The following TAFA5 variants were observed in gnomAD, a reference collection of about 807,000 sequenced individuals.
TAFA5 encodes the protein chemokine-like protein TAFA-5.
In TAFA5, 6 loss-of-function variants were observed where a neutral mutation model predicts 15.3. The observed-to-expected ratio is 0.39, with a 90% CI of 0.21 to 0.77. TAFA5 has a LOEUF of 0.77. Among genes scored for constraint, TAFA5 ranks in the 30% least tolerant of loss-of-function variants. The pLI, the probability that TAFA5 is intolerant of heterozygous loss-of-function variation, is 0.41. For synonymous variants in TAFA5, 103 were observed against 80.7 expected, an observed-to-expected ratio of 1.28 and a Z score of -1.48; for missense variants, 161 against 193.1, an observed-to-expected ratio of 0.83 and a Z score of 0.98.
At chr22:48,551,482 A>G (rs1056341321) in intron 1 of TAFA5, among the ~76,000 whole-genome samples, 1 of 152,328 alleles carries the variant, frequency 6.6e-6, no homozygotes, top group South Asian at 2.1e-4. Flanking sequence ...GGATGGGACC[A>G]GGTGATGGCG....
intron 1 of TAFA5, among the ~76,000 whole-genome samples, chr22:48,584,155 A>T (rs1257791328): frequency 6.8e-6 from 1 of 147,368 alleles, no homozygotes; most frequent in Admixed American, 6.7e-5. Flanking sequence ...ACAAAACATC[A>T]CATACATCAT....
intron 1 of TAFA5, among the ~76,000 whole-genome samples, chr22:48,614,786 C>T (rs898990313): frequency 2.0e-5 from 3 of 152,198 alleles, no homozygotes; most frequent in Non-Finnish European, 2.9e-5. Flanking sequence ...CCTTCTGTGC[C>T]GCACACGTCC....
chr22:48,649,402 A>T (rs959081906), intron 2 of TAFA5, among the ~76,000 whole-genome samples: 3 of 152,136 alleles, frequency 2.0e-5, no homozygotes, highest in Non-Finnish European at 4.4e-5. Flanking sequence ...AGCTTGCTGG[A>T]GTGGGCTGGA....
chr22:48,644,508 T>G (rs1401622148), intron 1 of TAFA5, among the ~76,000 whole-genome samples: 2 of 152,150 alleles, frequency 1.3e-5, no homozygotes, highest in African/African-American at 4.8e-5. Flanking sequence ...TGCCTCCTGG[T>G]CACAATCAGA....
intron 2 of TAFA5, among the ~76,000 whole-genome samples, chr22:48,662,362 C>T (rs1485521662): frequency 6.6e-6 from 1 of 152,136 alleles, no homozygotes; most frequent in Non-Finnish European, 1.5e-5. Context: ...ACTCTGATGG[C>T]CTTCTACAAA....
chr22:48,638,382 A>T (rs1410081164), intron 1 of TAFA5, among the ~76,000 whole-genome samples: 10 of 100,378 alleles, frequency 1.0e-4, no homozygotes, highest in Admixed American at 2.6e-4. Flanking sequence ...AAGCCCTGGG[A>T]CACCGCACAC....
At chr22:48,535,190 G>GGGAGGTGGAACC (rs1483235832) in intron 1 of TAFA5, among the ~76,000 whole-genome samples, 1 of 152,096 alleles carries the variant, frequency 6.6e-6, no homozygotes, top group Non-Finnish European at 1.5e-5. Context: ...CTTTATACAG[G>GGGAGGTGGAACC]TTTTTATGCA....
chr22:48,670,584 G>T (rs1307889032), intron 2 of TAFA5, among the ~76,000 whole-genome samples: 2 of 152,336 alleles, frequency 1.3e-5, no homozygotes, highest in East Asian at 3.9e-4. Context: ...CGGTGGAGGT[G>T]GGGGAAGCAG....
At chr22:48,685,607 C>T (rs77388072) in intron 2 of TAFA5, among the ~76,000 whole-genome samples, 8,773 of 152,004 alleles carry the variant, frequency 0.058, 340 homozygotes, top group South Asian at 0.16. Flanking sequence ...GGCCTAAACT[C>T]CAAAAGGGAG....
intron 1 of TAFA5, among the ~76,000 whole-genome samples, chr22:48,608,864 C>G (rs989125040): frequency 6.6e-6 from 1 of 152,266 alleles, no homozygotes; most frequent in Non-Finnish European, 1.5e-5. Flanking sequence ...GCAAAGCTTT[C>G]TCTGCTAACA....
intron 1 of TAFA5, among the ~76,000 whole-genome samples, chr22:48,542,074 CGT>C (rs1046101440): frequency 5.1e-4 from 72 of 140,206 alleles, no homozygotes; most frequent in African/African-American, 6.4e-4. Context: ...TGTGTGTGTG[CGT>C]GTGTGTGTGT....
chr22:48,684,784 G>A (rs1928302598), intron 2 of TAFA5, among the ~76,000 whole-genome samples: 1 of 152,158 alleles, frequency 6.6e-6, no homozygotes, highest in African/African-American at 2.4e-5. Context: ...AGGTTTCCAT[G>A]TTTCATGGTG....
At chr22:48,626,648 C>T (rs1175018201) in intron 1 of TAFA5, among the ~76,000 whole-genome samples, 1 of 152,172 alleles carries the variant, frequency 6.6e-6, no homozygotes, top group African/African-American at 2.4e-5. Context: ...TCTTTTCATC[C>T]TCTTCACAGT....
At chr22:48,537,937 T>A (rs1922227911) in intron 1 of TAFA5, among the ~76,000 whole-genome samples, 2 of 152,028 alleles carry the variant, frequency 1.3e-5, no homozygotes, top group African/African-American at 2.4e-5. Flanking sequence ...TGCCTTCCAT[T>A]CCCCCGTGGG....
At chr22:48,632,045 G>T (rs1005838171) in intron 1 of TAFA5, among the ~76,000 whole-genome samples, 1 of 152,230 alleles carries the variant, frequency 6.6e-6, no homozygotes. Context: ...TGAGTGTCAT[G>T]TGAAAACCAG....
chr22:48,545,996 C>T (rs567815606), intron 1 of TAFA5, among the ~76,000 whole-genome samples: 12 of 151,998 alleles, frequency 7.9e-5, no homozygotes, highest in African/African-American at 1.9e-4. Flanking sequence ...GGAGCTGCTC[C>T]GGAGGCTCTG....
intron 1 of TAFA5, among the ~76,000 whole-genome samples, chr22:48,553,219 C>A (rs1215245817): frequency 6.6e-6 from 1 of 152,142 alleles, no homozygotes; most frequent in Non-Finnish European, 1.5e-5. Flanking sequence ...CTCCACAGGC[C>A]CCCCGCTCTG....
intron 2 of TAFA5, among the ~76,000 whole-genome samples, chr22:48,647,539 A>G (rs1001443015): frequency 6.6e-6 from 1 of 152,142 alleles, no homozygotes; most frequent in African/African-American, 2.4e-5. Flanking sequence ...TGGGAACCCC[A>G]CAGCCGGGAC....
At chr22:48,659,668 C>T (rs1927365590) in intron 2 of TAFA5, among the ~76,000 whole-genome samples, 1 of 152,226 alleles carries the variant, frequency 6.6e-6, no homozygotes, top group African/African-American at 2.4e-5. Flanking sequence ...AGGGACCCAG[C>T]TGCTGTCCTC....
Sources: gnomAD v4.1 joint callset for allele counts (sites outside exome capture counted in the v4.1 genomes callset) on GRCh38, gnomAD v4.1.1 for gene constraint, MANE v1.5 for transcripts, NCBI Gene and HGNC (gene_info 2026-07-23, HGNC 2026-07-21) for gene names.